GRID1: variants seen among roughly 807,000 people sequenced by gnomAD.
The protein encoded by GRID1 is glutamate ionotropic receptor delta type subunit 1.
In GRID1, 28 loss-of-function variants were observed where a neutral mutation model predicts 98.0. That is an observed-to-expected ratio of 0.29 (90% CI 0.21 to 0.39). The LOEUF (loss-of-function observed/expected upper bound fraction) is 0.39. Ranked by LOEUF, GRID1 falls within the 10% of genes least tolerant of loss-of-function variation. The pLI, the probability that GRID1 is intolerant of heterozygous loss-of-function variation, is 1.00. For synonymous variants in GRID1, 553 were observed against 538.5 expected (o/e 1.03, Z -0.37); for missense variants, 1,111 against 1,340.5 (o/e 0.83, Z 2.67).
intron 8 of GRID1, among the ~76,000 whole-genome samples, chr10:85,759,078 C>A (rs1334439364): frequency 6.6e-6 from 1 of 152,148 alleles, no homozygotes; most frequent in Non-Finnish European, 1.5e-5. Flanking sequence ...GATGGAGATC[C>A]CTGCCATTAT....
intron 13 of GRID1, 128 bp downstream of exon 13, chr10:85,647,074 C>T (rs1400495152): frequency 9.6e-6 from 7 of 731,160 alleles, no homozygotes; most frequent in Admixed American, 4.3e-5. Context: ...AGAACGTGTG[C>T]GATGGATCGC....
chr10:86,089,026 A>G (rs1844105006), intron 4 of GRID1, among the ~76,000 whole-genome samples: 1 of 152,208 alleles, frequency 6.6e-6, no homozygotes, highest in Non-Finnish European at 1.5e-5. Flanking sequence ...CCAGAAAGGA[A>G]GTGCGGTTTC....
chr10:85,694,775 A>G (rs1356267776), intron 12 of GRID1, among the ~76,000 whole-genome samples: 1 of 136,168 alleles, frequency 7.3e-6, no homozygotes, highest in African/African-American at 2.7e-5. Context: ...GGACAAAGAG[A>G]GTGAAATAAT....
intron 12 of GRID1, among the ~76,000 whole-genome samples, chr10:85,676,024 G>A (rs531589830): frequency 6.9e-4 from 105 of 152,256 alleles, no homozygotes; most frequent in African/African-American, 2.0e-3. Context: ...AGTGGTTTTC[G>A]CTAAAAAGGC....
At chr10:85,627,966 G>A (rs1842930809) in intron 13 of GRID1, among the ~76,000 whole-genome samples, 1 of 152,138 alleles carries the variant, frequency 6.6e-6, no homozygotes, top group Non-Finnish European at 1.5e-5. Flanking sequence ...CACACTCTGT[G>A]TGAGTAAGCA....
chr10:85,815,916 A>G (rs907849621), intron 8 of GRID1, among the ~76,000 whole-genome samples: 3 of 152,032 alleles, frequency 2.0e-5, no homozygotes, highest in African/African-American at 4.8e-5. Context: ...AGCTTACATC[A>G]TTAGTCATTA....
intron 4 of GRID1, among the ~76,000 whole-genome samples, chr10:85,922,560 C>T (rs956579688): frequency 6.6e-6 from 1 of 152,218 alleles, no homozygotes; most frequent in South Asian, 2.1e-4. Context: ...ACATTCCCCC[C>T]GTGAAGCCCA....
intron 8 of GRID1, among the ~76,000 whole-genome samples, chr10:85,763,267 A>G (rs1283837749): frequency 6.6e-6 from 1 of 152,118 alleles, no homozygotes; most frequent in Non-Finnish European, 1.5e-5. Flanking sequence ...CCATCTGCCC[A>G]AGGATGCCCA....
intron 4 of GRID1, among the ~76,000 whole-genome samples, chr10:86,053,058 G>A (rs1478415923): frequency 1.3e-5 from 2 of 152,082 alleles, no homozygotes; most frequent in African/African-American, 4.8e-5. Flanking sequence ...GAATGCCAAG[G>A]CACCAAATTT....
At chr10:85,889,271 T>G (rs527683118) in intron 5 of GRID1, among the ~76,000 whole-genome samples, 1 of 152,268 alleles carries the variant, frequency 6.6e-6, no homozygotes, top group African/African-American at 2.4e-5. Flanking sequence ...CAGAGCAATG[T>G]GGAAATAGGC....
At chr10:86,065,967 A>C (rs570261819) in intron 4 of GRID1, among the ~76,000 whole-genome samples, 1 of 152,364 alleles carries the variant, frequency 6.6e-6, no homozygotes, top group South Asian at 2.1e-4. Flanking sequence ...CTTTCCCTGC[A>C]AGTTAATCCC....
chr10:85,901,222 TTTTATTTTA>T (rs1301448999), intron 5 of GRID1, among the ~76,000 whole-genome samples: 1 of 147,394 alleles, frequency 6.8e-6, no homozygotes, highest in African/African-American at 2.5e-5. Flanking sequence ...ATTTATTTTA[TTTTATTTTA>T]TTTATTTATT....
chr10:85,658,850 A>G (rs538689459), intron 12 of GRID1, among the ~76,000 whole-genome samples: 1 of 152,360 alleles, frequency 6.6e-6, no homozygotes, highest in African/African-American at 2.4e-5. Flanking sequence ...GTGTGTGAGA[A>G]AGAGAAATCT....
At chr10:86,131,005 G>T (rs114810013) in intron 4 of GRID1, among the ~76,000 whole-genome samples, 6,478 of 152,236 alleles carry the variant, frequency 0.043, 147 homozygotes, top group Non-Finnish European at 0.054. Context: ...TCCTGCGAGT[G>T]GGGTCAGGGA....
chr10:85,735,609 C>T (rs919663114), intron 8 of GRID1, among the ~76,000 whole-genome samples: 1 of 152,062 alleles, frequency 6.6e-6, no homozygotes, highest in Non-Finnish European at 1.5e-5. Flanking sequence ...GGACAGGCAT[C>T]CTTTGGAAGA....
intron 14 of GRID1, among the ~76,000 whole-genome samples, chr10:85,619,013 G>A (rs1000481925): frequency 6.6e-6 from 1 of 152,228 alleles, no homozygotes; most frequent in Non-Finnish European, 1.5e-5. Context: ...TTTCCATTCA[G>A]ATGCTTCTGC....
intron 2 of GRID1, among the ~76,000 whole-genome samples, chr10:86,268,487 C>G (rs1847138422): frequency 6.6e-6 from 1 of 152,124 alleles, no homozygotes; most frequent in Admixed American, 6.5e-5. Flanking sequence ...TGTTTGTTAC[C>G]ACGGGGGCTA....
At chr10:86,338,902 A>G (rs1402274741) in intron 2 of GRID1, among the ~76,000 whole-genome samples, 2 of 152,010 alleles carry the variant, frequency 1.3e-5, no homozygotes, top group African/African-American at 4.8e-5. Context: ...AATTCACACA[A>G]ATACCCTGGG....
chr10:85,941,336 A>G (rs1370629845), intron 4 of GRID1, among the ~76,000 whole-genome samples: 1 of 152,234 alleles, frequency 6.6e-6, no homozygotes, highest in East Asian at 1.9e-4. Context: ...TTAAAAGAAA[A>G]AAATATAGGA....
Sources: allele counts gnomAD v4.1 joint callset (sites outside exome capture counted in the v4.1 genomes callset), GRCh38; gene constraint gnomAD v4.1.1; transcripts MANE v1.5; gene names NCBI Gene and HGNC (gene_info 2026-07-23, HGNC 2026-07-21).